LHCGR: variants seen among roughly 807,000 people sequenced by gnomAD.
LHCGR encodes the protein lutropin-choriogonadotropic hormone receptor.
Under a neutral mutation model 60.7 loss-of-function variants are expected in LHCGR, and 55 were observed. The ratio of observed to expected loss-of-function variants is 0.91; its 90% CI spans 0.73 to 1.13. The LOEUF (loss-of-function observed/expected upper bound fraction) is 1.13. LHCGR is among the 50% of genes most tolerant of loss of function. The pLI is 0.00. For missense variants in LHCGR, 862 were observed against 836.0 expected, an observed-to-expected ratio of 1.03 and a Z score of -0.38; for synonymous variants, 337 against 316.5, an observed-to-expected ratio of 1.06 and a Z score of -0.69.
chr2:48,689,723 C>CT (rs1028439529), intron 10 of LHCGR, among the ~76,000 whole-genome samples: 97 of 149,462 alleles, frequency 6.5e-4, no homozygotes, highest in African/African-American at 1.4e-3. Flanking sequence ...CTCTCTCTCT[C>CT]TTTTTTTTTT....
chr2:48,722,020 C>G (rs1668519484), intron 6 of LHCGR, among the ~76,000 whole-genome samples: 1 of 152,142 alleles, frequency 6.6e-6, no homozygotes, highest in Non-Finnish European at 1.5e-5. Context: ...TGTGGTGGCA[C>G]ACGCCTGTAG....
intron 9 of LHCGR, among the ~76,000 whole-genome samples, chr2:48,694,527 G>A (rs1465222623): frequency 6.6e-6 from 1 of 152,062 alleles, no homozygotes; most frequent in Non-Finnish European, 1.5e-5. Context: ...TGAATACTAA[G>A]CATTTTGTGT....
intron 6 of LHCGR, among the ~76,000 whole-genome samples, chr2:48,718,459 G>A (rs907357248): frequency 6.6e-5 from 10 of 152,192 alleles, no homozygotes; most frequent in Admixed American, 2.0e-4. Context: ...TTTCCTTTTG[G>A]ATCACCTGGT....
intron 6 of LHCGR, among the ~76,000 whole-genome samples, chr2:48,719,028 A>G (rs6711321): frequency 0.27 from 41,409 of 152,150 alleles, 6,504 homozygotes; most frequent in African/African-American, 0.43. Flanking sequence ...AATGATAACA[A>G]TAAAGGATTC....
intron 2 of LHCGR, among the ~76,000 whole-genome samples, chr2:48,730,905 A>G (rs559950089): frequency 1.3e-5 from 2 of 152,304 alleles, no homozygotes; most frequent in African/African-American, 4.8e-5. Context: ...ATGTGACACA[A>G]GGGAATAGCT....
At chr2:48,740,039 G>T (rs930396636) in intron 1 of LHCGR, among the ~76,000 whole-genome samples, 1 of 152,240 alleles carries the variant, frequency 6.6e-6, no homozygotes, top group Non-Finnish European at 1.5e-5. Flanking sequence ...GAAGCGCGAG[G>T]GGTCAGGGAG....
chr2:48,738,140 C>T (rs948992892), intron 1 of LHCGR, among the ~76,000 whole-genome samples: 14 of 152,208 alleles, frequency 9.2e-5, no homozygotes, highest in African/African-American at 3.4e-4. Flanking sequence ...AAATGCAGCT[C>T]AAATCCCTGC....
intron 2 of LHCGR, 140 bp from the exon 3 acceptor site, chr2:48,729,367 T>A: frequency 1.4e-6 from 1 of 725,840 alleles, no homozygotes; most frequent in South Asian, 1.5e-5. Flanking sequence ...GTGCAAGTTG[T>A]CCCCAAATCA....
chr2:48,734,602 C>A (rs1481378712), intron 1 of LHCGR, among the ~76,000 whole-genome samples: 3 of 152,064 alleles, frequency 2.0e-5, no homozygotes, highest in Non-Finnish European at 4.4e-5. Context: ...CTTTCCTTTC[C>A]TTCATATTTT....
At chr2:48,694,462 G>A (rs543127807) in intron 9 of LHCGR, among the ~76,000 whole-genome samples, 158 bp from the exon 10 acceptor site, 2 of 152,140 alleles carry the variant, frequency 1.3e-5, no homozygotes, top group South Asian at 2.1e-4. Context: ...CCTGAGGAGA[G>A]AGTAAAGGCT....
At chr2:48,731,156 A>G (rs1668967608) in intron 2 of LHCGR, 71 bp downstream of exon 2, 4 of 1,034,038 alleles carry the variant, frequency 3.9e-6, no homozygotes, top group African/African-American at 1.6e-5. Flanking sequence ...CCCCTTTCAA[A>G]TGTGTTTTCT....
chr2:48,705,846 C>T (rs1466950667), intron 8 of LHCGR, among the ~76,000 whole-genome samples: 4 of 152,068 alleles, frequency 2.6e-5, no homozygotes, highest in Admixed American at 2.6e-4. Flanking sequence ...ACTCGTTATC[C>T]AATTTTCCAG....
chr2:48,739,454 C>T (rs962453426), intron 1 of LHCGR, among the ~76,000 whole-genome samples: 4 of 152,130 alleles, frequency 2.6e-5, no homozygotes, highest in African/African-American at 7.2e-5. Flanking sequence ...AAATGTGGCA[C>T]ATATACACCA....
chr2:48,694,433 T>G, intron 9 of LHCGR, 129 bp from the exon 10 acceptor site: 1 of 678,294 alleles, frequency 1.5e-6, no homozygotes, highest in Non-Finnish European at 2.7e-6. Flanking sequence ...TCTGCACCAT[T>G]GTCCTAACTG....
chr2:48,740,956 G>A (rs1669421556), intron 1 of LHCGR, among the ~76,000 whole-genome samples: 1 of 152,176 alleles, frequency 6.6e-6, no homozygotes, highest in Non-Finnish European at 1.5e-5. Flanking sequence ...AAATTTAGAA[G>A]AATGTATAAC....
At chr2:48,724,299 G>A (rs1422670958) in intron 4 of LHCGR, among the ~76,000 whole-genome samples, 1 of 152,186 alleles carries the variant, frequency 6.6e-6, no homozygotes, top group African/African-American at 2.4e-5. Context: ...CCTCTGAAGA[G>A]GAGAGAGGCT....
intron 1 of LHCGR, among the ~76,000 whole-genome samples, chr2:48,731,698 A>G (rs1319995058): frequency 2.0e-5 from 3 of 152,234 alleles, no homozygotes; most frequent in African/African-American, 7.2e-5. Flanking sequence ...CATGTAAAGA[A>G]CAGGGCTTGG....
intron 10 of LHCGR, among the ~76,000 whole-genome samples, chr2:48,691,925 A>G (rs996739903): frequency 6.6e-6 from 1 of 152,230 alleles, no homozygotes; most frequent in East Asian, 1.9e-4. Flanking sequence ...CCAAGATTAA[A>G]GGAGGTAAGT....
At chr2:48,698,359 G>T (rs1157806464) in intron 9 of LHCGR, among the ~76,000 whole-genome samples, 1 of 152,178 alleles carries the variant, frequency 6.6e-6, no homozygotes, top group Admixed American at 6.5e-5. Context: ...TGCTAAAATG[G>T]CCTCTAATTC....
Sources: gnomAD v4.1 joint callset for allele counts (sites outside exome capture counted in the v4.1 genomes callset) on GRCh38, gnomAD v4.1.1 for gene constraint, MANE v1.5 for transcripts, NCBI Gene and HGNC (gene_info 2026-07-23, HGNC 2026-07-21) for gene names.